The following CDK14 variants were observed in gnomAD, a reference collection of about 807,000 sequenced individuals.
The protein encoded by CDK14 is cyclin dependent kinase 14, also known as cyclin-dependent kinase 14.
CDK14 carries 34 observed loss-of-function variants against 60.7 expected under a neutral mutation model. The observed-to-expected ratio is 0.56, with a 90% CI of 0.43 to 0.75. The LOEUF is 0.75. CDK14 is among the 30% of genes least tolerant of loss of function. CDK14 has a pLI of 0.00. For synonymous variants in CDK14, 197 were observed against 203.7 expected, an observed-to-expected ratio of 0.97 and a Z score of 0.28; for missense variants, 482 against 564.1, an observed-to-expected ratio of 0.85 and a Z score of 1.47.
rs180674644 is a variant in CDK14 at position 90,864,055 on chromosome 7, T to A, written c.639+786T>A. ...TTATTTAGAATAGTTGTTGGTATTGTCAGTGTATTAGGACCCCATTTTGTA... is the reference window on the plus strand; with the variant it reads ...TTATTTAGAATAGTTGTTGGTATTGACAGTGTATTAGGACCCCATTTTGTA... On this transcript the variant is annotated intron_variant, in intron 6 of 14. Transcript: ENST00000380050. 3.9e-5 allele frequency among the ~76,000 whole-genome samples: 6 copies of A among 152,214 alleles called. No individual in the cohort carries two copies. In the East Asian group the frequency reaches 1.2e-3, roughly 29 times the overall value.
intron 14 of CDK14, among the ~76,000 whole-genome samples, chr7:91,201,621 G>A (rs142017707): frequency 3.6e-4 from 55 of 152,168 alleles, no homozygotes; most frequent in Admixed American, 7.2e-4. Context: ...TGATCACATC[G>A]AAGCACACTG....
intron 5 of CDK14, among the ~76,000 whole-genome samples, chr7:90,820,689 A>C (rs1416399837): frequency 6.6e-6 from 1 of 152,142 alleles, no homozygotes; most frequent in Non-Finnish European, 1.5e-5. Context: ...CATGCGTCTA[A>C]CCTTATGGAA....
intron 10 of CDK14, among the ~76,000 whole-genome samples, chr7:91,007,640 C>T (rs1455039481): frequency 6.6e-6 from 1 of 152,152 alleles, no homozygotes; most frequent in Non-Finnish European, 1.5e-5. Context: ...TGTTATTTTT[C>T]CTTTTTCCCA....
intron 6 of CDK14, among the ~76,000 whole-genome samples, chr7:90,883,945 G>T (rs1001424876): frequency 6.6e-6 from 1 of 152,018 alleles, no homozygotes; most frequent in Admixed American, 6.6e-5. Flanking sequence ...TCTCAAAATA[G>T]TGAGAGCTAT....
intron 10 of CDK14, among the ~76,000 whole-genome samples, chr7:90,987,111 C>A (rs192782224): frequency 1.1e-3 from 170 of 151,942 alleles, no homozygotes; most frequent in African/African-American, 4.0e-3. Flanking sequence ...CATTTGAAAT[C>A]TTTGTTTAAC....
intron 5 of CDK14, among the ~76,000 whole-genome samples, chr7:90,812,582 C>T (rs1486840511): frequency 6.6e-6 from 1 of 152,022 alleles, no homozygotes; most frequent in Non-Finnish European, 1.5e-5. Context: ...CTAACCTGCA[C>T]ATTGTGCACA....
intron 2 of CDK14, among the ~76,000 whole-genome samples, chr7:90,629,083 A>T (rs1331307513): frequency 3.3e-5 from 5 of 151,954 alleles, no homozygotes; most frequent in African/African-American, 7.3e-5. Context: ...TTTTATATAT[A>T]TTTTTTTAAA....
intron 4 of CDK14, among the ~76,000 whole-genome samples, chr7:90,762,501 T>C (rs1010806379): frequency 6.6e-5 from 10 of 152,116 alleles, no homozygotes; most frequent in African/African-American, 2.2e-4. Flanking sequence ...GTGACAGATA[T>C]TAATACAGAC....
intron 2 of CDK14, among the ~76,000 whole-genome samples, chr7:90,722,285 C>T (rs1802487023): frequency 6.6e-6 from 1 of 152,134 alleles, no homozygotes; most frequent in Non-Finnish European, 1.5e-5. Context: ...CTCACTGCAG[C>T]TTTGCCCTCC....
intron 10 of CDK14, among the ~76,000 whole-genome samples, chr7:90,999,764 G>A (rs919893161): frequency 5.9e-5 from 9 of 152,162 alleles, no homozygotes; most frequent in Non-Finnish European, 1.2e-4. Context: ...TAAGAAATGC[G>A]ATACCGTATT....
chr7:91,054,016 C>T (rs1334723165), intron 11 of CDK14, among the ~76,000 whole-genome samples: 2 of 150,870 alleles, frequency 1.3e-5, no homozygotes, highest in African/African-American at 4.9e-5. Context: ...TATTTTTAAG[C>T]AGATTTGAGC....
At chr7:91,089,566 AGG>A (rs199975112) in intron 12 of CDK14, among the ~76,000 whole-genome samples, 27 of 101,746 alleles carry the variant, frequency 2.7e-4, no homozygotes, top group African/African-American at 8.3e-4. Context: ...GCATGCTCTG[AGG>A]GGAAAAAAAA....
intron 14 of CDK14, among the ~76,000 whole-genome samples, chr7:91,132,144 A>G (rs1433565652): frequency 6.6e-6 from 1 of 152,186 alleles, no homozygotes; most frequent in Non-Finnish European, 1.5e-5. Context: ...GATGACGGGT[A>G]CAGCAGAACT....
intron 9 of CDK14, among the ~76,000 whole-genome samples, chr7:90,978,066 T>C (rs1363729118): frequency 6.6e-6 from 1 of 152,148 alleles, no homozygotes; most frequent in Non-Finnish European, 1.5e-5. Context: ...TGGAGCTATT[T>C]GCACTGACCT....
intron 10 of CDK14, among the ~76,000 whole-genome samples, chr7:91,035,500 G>C (rs1457600247): frequency 6.6e-6 from 1 of 152,086 alleles, no homozygotes; most frequent in Admixed American, 6.5e-5. Flanking sequence ...TCTATTCAAA[G>C]CGATATCCCA....
At chr7:91,127,387 A>T (rs1192639144) in intron 14 of CDK14, among the ~76,000 whole-genome samples, 1 of 152,174 alleles carries the variant, frequency 6.6e-6, no homozygotes, top group African/African-American at 2.4e-5. Context: ...ACAGAAGCGG[A>T]TAGAGATGGG....
intron 12 of CDK14, among the ~76,000 whole-genome samples, chr7:91,106,590 A>G (rs1173505335): frequency 6.6e-6 from 1 of 152,214 alleles, no homozygotes; most frequent in Non-Finnish European, 1.5e-5. Context: ...AAAATATTAG[A>G]CAATAATATG....
chr7:90,604,138 G>GTTT, intron 1 of CDK14, 80 bp from the exon 2 acceptor site: 1 of 884,356 alleles, frequency 1.1e-6, no homozygotes, highest in South Asian at 1.7e-5. Flanking sequence ...ATACTGCCTT[G>GTTT]TTTTTTTTTC....
At chr7:90,778,846 A>ACCTT (rs35971285) in intron 4 of CDK14, among the ~76,000 whole-genome samples, 15,111 of 127,800 alleles carry the variant, frequency 0.12, 1,018 homozygotes, top group Middle Eastern at 0.16. Context: ...AAATTGACCG[A>ACCTT]CCTTCCTTCC....
Sources: allele counts gnomAD v4.1 joint callset (sites outside exome capture counted in the v4.1 genomes callset), GRCh38; gene constraint gnomAD v4.1.1; transcripts MANE v1.5; gene names NCBI Gene and HGNC (gene_info 2026-07-23, HGNC 2026-07-21).